The following MPP7 variants were observed in gnomAD, a reference collection of about 807,000 sequenced individuals.
MPP7 encodes the protein MAGUK p55 subfamily member 7.
In MPP7, 60 loss-of-function variants were observed where a neutral mutation model predicts 76.5. The observed-to-expected ratio is 0.78, with a 90% CI of 0.64 to 0.97. The LOEUF is 0.97. MPP7 is among the 50% of genes least tolerant of loss of function. MPP7 has a pLI of 0.00. For synonymous variants in MPP7, 237 were observed against 244.5 expected (o/e 0.97, Z 0.29); for missense variants, 641 against 694.0 (o/e 0.92, Z 0.86).
At chr10:28,267,793 T>C (rs2133000042) in intron 1 of MPP7, among the ~76,000 whole-genome samples, 1 of 152,226 alleles carries the variant, frequency 6.6e-6, no homozygotes, top group African/African-American at 2.4e-5. Flanking sequence ...TCCAGCACTT[T>C]GGGAGGCTGT....
At chr10:28,166,953 A>G (rs1229241244) in intron 3 of MPP7, among the ~76,000 whole-genome samples, 3 of 152,056 alleles carry the variant, frequency 2.0e-5, no homozygotes, top group Admixed American at 1.3e-4. Flanking sequence ...AAAAGCCACA[A>G]ATTATTTACC....
At chr10:28,249,841 ACTTCT>A (rs1839555614) in intron 1 of MPP7, among the ~76,000 whole-genome samples, 1 of 152,132 alleles carries the variant, frequency 6.6e-6, no homozygotes, top group African/African-American at 2.4e-5. Flanking sequence ...GAATGGCTCC[ACTTCT>A]CTTCTCGCAT....
chr10:28,122,634 T>C (rs1025641082), intron 8 of MPP7, among the ~76,000 whole-genome samples: 1 of 152,222 alleles, frequency 6.6e-6, no homozygotes, highest in East Asian at 1.9e-4. Context: ...GGGCTTGGCA[T>C]CACCTTCGTG....
intron 15 of MPP7, 51 bp from the exon 16 acceptor site, chr10:28,056,674 T>C (rs1851571659): frequency 1.4e-6 from 2 of 1,463,464 alleles, no homozygotes; most frequent in Non-Finnish European, 1.8e-6. Flanking sequence ...GCATCATGAA[T>C]TACTGAATTT....
At chr10:28,143,364 C>T (rs4514314) in intron 5 of MPP7, among the ~76,000 whole-genome samples, 51,989 of 151,954 alleles carry the variant, frequency 0.34, 10,408 homozygotes, top group East Asian at 0.86. Context: ...AATACAATTA[C>T]GTATTATCAA....
chr10:28,186,697 T>A (rs2997210), intron 3 of MPP7, among the ~76,000 whole-genome samples: 1 of 152,108 alleles, frequency 6.6e-6, no homozygotes, highest in African/African-American at 2.4e-5. Flanking sequence ...TATCCAAAAA[T>A]AGCACAATCC....
chr10:28,110,743 G>C (rs767857802), intron 11 of MPP7, among the ~76,000 whole-genome samples: 25 of 152,110 alleles, frequency 1.6e-4, no homozygotes, highest in Non-Finnish European at 3.5e-4. Flanking sequence ...TGTGGAACTA[G>C]CAGCATAGAC....
intron 3 of MPP7, among the ~76,000 whole-genome samples, chr10:28,170,331 C>CT (rs1278433152): frequency 2.6e-5 from 4 of 151,466 alleles, no homozygotes; most frequent in Non-Finnish European, 4.4e-5. Flanking sequence ...TCTATTTTCT[C>CT]TTTTTTTTAA....
intron 6 of MPP7, among the ~76,000 whole-genome samples, chr10:28,127,142 T>A (rs943408184): frequency 6.6e-6 from 1 of 152,224 alleles, no homozygotes; most frequent in Non-Finnish European, 1.5e-5. Context: ...CTCTGTACTA[T>A]GGACTGTACA....
At chr10:28,200,727 G>A (rs1250142445) in intron 3 of MPP7, among the ~76,000 whole-genome samples, 2 of 151,974 alleles carry the variant, frequency 1.3e-5, no homozygotes, top group Admixed American at 6.6e-5. Flanking sequence ...TCAGATCTTC[G>A]CTATTTTATT....
chr10:28,304,325 G>C (rs147115134), upstream of MPP7, among the ~76,000 whole-genome samples: 19 of 152,206 alleles, frequency 1.2e-4, no homozygotes, highest in East Asian at 2.5e-3. Flanking sequence ...TCTAAAACAG[G>C]CTATTTGAAA....
At chr10:28,066,722 C>T (rs1222432930) in intron 13 of MPP7, among the ~76,000 whole-genome samples, 1 of 152,202 alleles carries the variant, frequency 6.6e-6, no homozygotes, top group Admixed American at 6.5e-5. Context: ...TAACAGCACA[C>T]ATGAATGTTG....
rs113294326 is a variant in MPP7, at chr10:28,113,541, T to A, written c.952+6110A>T. On this transcript the variant is annotated intron_variant, in intron 11 of 16. Transcript: ENST00000683449. ...AGAGCCCCAAGAGTGTCTGTCAATA[T>A]AATCAAGTCCTTATGAGAGAGGACA... 7.1e-3 allele frequency among the ~76,000 whole-genome samples: 1,082 copies of A among 152,104 alleles called. 14 individuals are homozygous for A. Among genetic ancestry groups the A allele is most frequent in the African/African-American group, 0.025 (1,030 of 41,470 alleles).
chr10:28,123,901 C>G (rs973332474), intron 8 of MPP7, 130 bp downstream of exon 8: 9 of 633,232 alleles, frequency 1.4e-5, no homozygotes, highest in Middle Eastern at 3.6e-4. Flanking sequence ...CAAGAACACA[C>G]AGGGATTAAG....
intron 11 of MPP7, among the ~76,000 whole-genome samples, chr10:28,105,151 TC>T (rs1204016354): frequency 2.1e-4 from 6 of 28,026 alleles, no homozygotes; most frequent in Non-Finnish European, 3.6e-4. Context: ...AGACTCCATC[TC>T]AAAAAAAAAA....
chr10:28,286,322 GGCAACAGAGC>G (rs1407359987), intron 1 of MPP7, among the ~76,000 whole-genome samples: 4 of 151,522 alleles, frequency 2.6e-5, no homozygotes, highest in Non-Finnish European at 5.9e-5. Flanking sequence ...CTCCAGCCTG[GGCAACAGAGC>G]GAGACTCCAC....
chr10:28,117,306 A>G (rs962810988), intron 11 of MPP7, among the ~76,000 whole-genome samples: 21 of 152,254 alleles, frequency 1.4e-4, no homozygotes, highest in African/African-American at 5.1e-4. Context: ...AAATTAGTGG[A>G]TAAAGTTTTT....
intron 11 of MPP7, among the ~76,000 whole-genome samples, chr10:28,107,417 G>T (rs1190898454): frequency 6.6e-6 from 1 of 152,080 alleles, no homozygotes; most frequent in Non-Finnish European, 1.5e-5. Context: ...GGCCCTTAAA[G>T]TTAGGGAGCA....
intron 2 of MPP7, among the ~76,000 whole-genome samples, chr10:28,219,129 T>C (rs989812836): frequency 2.0e-5 from 3 of 152,230 alleles, no homozygotes; most frequent in African/African-American, 7.2e-5. Context: ...TTCCTATTGC[T>C]TTCTCACAGA....
Sources: gnomAD v4.1 joint callset for allele counts (sites outside exome capture counted in the v4.1 genomes callset) on GRCh38, gnomAD v4.1.1 for gene constraint, MANE v1.5 for transcripts, NCBI Gene and HGNC (gene_info 2026-07-23, HGNC 2026-07-21) for gene names.